The following VPS13B variants were observed in gnomAD, a reference collection of about 807,000 sequenced individuals.
VPS13B encodes the protein intermembrane lipid transfer protein VPS13B.
A neutral mutation model predicts 426.4 loss-of-function variants in VPS13B; 285 were observed. The ratio of observed to expected loss-of-function variants is 0.67; its 90% CI spans 0.61 to 0.74. The LOEUF (loss-of-function observed/expected upper bound fraction) is 0.74, where lower values mean the gene tolerates loss of function less well. VPS13B is among the 30% of genes least tolerant of loss of function. VPS13B has a pLI of 0.00. For missense variants in VPS13B, 4,537 were observed against 4,782.6 expected, an observed-to-expected ratio of 0.95 and a Z score of 1.51; for synonymous variants, 1,676 against 1,676.4, an observed-to-expected ratio of 1.00 and a Z score of 0.01.
chr8:99,657,470 T>TGTGTGTGTG lies in VPS13B; in HGVS notation c.5909-3884_5909-3883insGTGTGTGTG, dbSNP rs60760111. On this transcript the variant is annotated intron_variant, in intron 34 of 61. Coordinates refer to ENST00000357162, the MANE Select transcript of VPS13B (RefSeq NM_152564.5). ...TGATCATTCAGCAGTACTTTAAAAA[T>TGTGTGTGTG]TGTGTGTGTGTGTGTGTGTGTGTGT... Among the ~76,000 whole-genome samples, 1,117 of 146,972 alleles carry TGTGTGTGTG rather than the reference T, an allele frequency of 7.6e-3. 9 individuals carry two copies. The highest frequency in any genetic ancestry group is 0.022 in the East Asian group (110 of 5,054).
chr8:99,430,678 C>T (rs1387486631), intron 21 of VPS13B, among the ~76,000 whole-genome samples: 2 of 150,820 alleles, frequency 1.3e-5, no homozygotes, highest in Non-Finnish European at 2.9e-5. Context: ...AATCACATAC[C>T]TCTTTTGGTT....
At chr8:99,291,709 T>C (rs1427872627) in intron 19 of VPS13B, among the ~76,000 whole-genome samples, 1 of 152,054 alleles carries the variant, frequency 6.6e-6, no homozygotes, top group South Asian at 2.1e-4. Flanking sequence ...CTGAATGATA[T>C]TAGAAAGATC....
At chr8:99,143,336 G>A (rs1810535421) in intron 13 of VPS13B, among the ~76,000 whole-genome samples, 171 bp downstream of exon 13, 1 of 152,180 alleles carries the variant, frequency 6.6e-6, no homozygotes, top group South Asian at 2.1e-4. Context: ...GTAGAAGTTG[G>A]AGAGATCAAG....
At chr8:99,517,840 A>G (rs1043623792) in intron 29 of VPS13B, among the ~76,000 whole-genome samples, 1 of 152,102 alleles carries the variant, frequency 6.6e-6, no homozygotes, top group Non-Finnish European at 1.5e-5. Flanking sequence ...CCCAAAAAAG[A>G]GAAGCTGATT....
intron 3 of VPS13B, among the ~76,000 whole-genome samples, chr8:99,063,131 G>A (rs1404430389): frequency 6.6e-6 from 1 of 152,208 alleles, no homozygotes; most frequent in Non-Finnish European, 1.5e-5. Flanking sequence ...AACAGCTCCA[G>A]TCTGCAGCTC....
chr8:99,031,133 T>G (rs1280517000), intron 2 of VPS13B, among the ~76,000 whole-genome samples: 1 of 152,134 alleles, frequency 6.6e-6, no homozygotes, highest in African/African-American at 2.4e-5. Flanking sequence ...TCAAAAGACT[T>G]ATGTTCAAGT....
chr8:99,695,583 G>C (rs1831936067), intron 35 of VPS13B, among the ~76,000 whole-genome samples: 1 of 142,360 alleles, frequency 7.0e-6, no homozygotes. Context: ...AGCACTGGGA[G>C]ATATACCTAA....
chr8:99,806,775 C>A (rs1414831204), intron 43 of VPS13B, among the ~76,000 whole-genome samples: 1 of 152,140 alleles, frequency 6.6e-6, no homozygotes, highest in Non-Finnish European at 1.5e-5. Flanking sequence ...CTTACAGTAT[C>A]TGTAGCAGTG....
intron 4 of VPS13B, among the ~76,000 whole-genome samples, chr8:99,098,134 T>G (rs957897854): frequency 6.6e-6 from 1 of 152,186 alleles, no homozygotes; most frequent in Non-Finnish European, 1.5e-5. Flanking sequence ...TTGTTTTTCT[T>G]TGTTCACTCT....
chr8:99,836,249 G>A (rs1333462732), intron 54 of VPS13B, among the ~76,000 whole-genome samples: 2 of 152,056 alleles, frequency 1.3e-5, no homozygotes, highest in African/African-American at 4.8e-5. Context: ...TGTTGAAAAT[G>A]GCATAAGAAC....
intron 58 of VPS13B, among the ~76,000 whole-genome samples, chr8:99,866,666 C>T (rs956253821): frequency 3.9e-5 from 6 of 152,366 alleles, no homozygotes; most frequent in African/African-American, 1.4e-4. Flanking sequence ...CTGTCAGCAC[C>T]CTGTGCGGGT....
At chr8:99,413,149 G>A (rs1354533253) in intron 21 of VPS13B, among the ~76,000 whole-genome samples, 3 of 152,026 alleles carry the variant, frequency 2.0e-5, no homozygotes, top group Non-Finnish European at 2.9e-5. Context: ...GCTCCTCTTT[G>A]TACCTCTGGT....
chr8:99,147,516 G>T (rs4735600), intron 13 of VPS13B, among the ~76,000 whole-genome samples: 1 of 151,918 alleles, frequency 6.6e-6, no homozygotes, highest in African/African-American at 2.4e-5. Flanking sequence ...AATATTTTCT[G>T]TCAGTCTGTG....
At chr8:99,825,375 T>TTTCTC (rs1410788092) in intron 51 of VPS13B, among the ~76,000 whole-genome samples, 10 of 152,352 alleles carry the variant, frequency 6.6e-5, no homozygotes, top group South Asian at 4.1e-4. Context: ...ATGTCTTCTT[T>TTTCTC]TGAGAAGTGT....
chr8:99,212,272 C>T (rs886160896), intron 17 of VPS13B, among the ~76,000 whole-genome samples: 2 of 152,158 alleles, frequency 1.3e-5, no homozygotes, highest in African/African-American at 4.8e-5. Context: ...CGAAACATTC[C>T]CTTCACCTCT....
intron 20 of VPS13B, 112 bp from the exon 21 acceptor site, chr8:99,391,445 T>C: frequency 6.5e-7 from 1 of 1,537,868 alleles, no homozygotes; most frequent in Non-Finnish European, 8.9e-7. Flanking sequence ...TAATGAAGTC[T>C]CAGCCCCAAC....
chr8:99,322,050 C>A (rs1340987996), intron 19 of VPS13B, among the ~76,000 whole-genome samples: 3 of 152,024 alleles, frequency 2.0e-5, no homozygotes, highest in Admixed American at 2.0e-4. Context: ...AAAATTAGAC[C>A]CTTATTTGCT....
intron 34 of VPS13B, among the ~76,000 whole-genome samples, chr8:99,659,589 G>A (rs1025248431): frequency 1.3e-5 from 2 of 152,170 alleles, no homozygotes; most frequent in Non-Finnish European, 2.9e-5. Flanking sequence ...CTAGAAAAAT[G>A]TAGAAAGTTG....
intron 34 of VPS13B, among the ~76,000 whole-genome samples, chr8:99,647,803 A>G (rs1829652116): frequency 6.6e-6 from 1 of 152,130 alleles, no homozygotes; most frequent in Non-Finnish European, 1.5e-5. Flanking sequence ...AAAAATTGTC[A>G]CTCGATCATG....
Sources: allele counts gnomAD v4.1 joint callset (sites outside exome capture counted in the v4.1 genomes callset), GRCh38; gene constraint gnomAD v4.1.1; transcripts MANE v1.5; gene names NCBI Gene and HGNC (gene_info 2026-07-23, HGNC 2026-07-21).